Variants in DGKB observed in about 807,000 individuals in gnomAD.
DGKB encodes the protein diacylglycerol kinase beta.
Under a neutral mutation model 114.3 loss-of-function variants are expected in DGKB, and 67 were observed. That is an observed-to-expected ratio of 0.59 (90% CI 0.48 to 0.72). DGKB has a LOEUF of 0.72. Ranked by LOEUF, DGKB falls within the 30% of genes least tolerant of loss-of-function variation. DGKB has a pLI of 0.00. For missense variants in DGKB, 907 were observed against 975.2 expected (o/e 0.93, Z 0.93); for synonymous variants, 398 against 323.1 (o/e 1.23, Z -2.49).
chr7:14,701,344 G>C (rs969779762), intron 7 of DGKB, among the ~76,000 whole-genome samples: 2 of 152,134 alleles, frequency 1.3e-5, no homozygotes, highest in Admixed American at 1.3e-4. Context: ...GTTACAGATA[G>C]TTTTTCCCTC....
At chr7:14,479,097 C>T (rs1246515134) in intron 20 of DGKB, among the ~76,000 whole-genome samples, 3 of 152,120 alleles carry the variant, frequency 2.0e-5, no homozygotes, top group Admixed American at 6.6e-5. Flanking sequence ...ATTAATCACT[C>T]AAATGAGGAA....
Position 14,483,085 on chromosome 7 carries a change from A to C in DGKB, c.1771-4860T>G, listed in dbSNP as rs536292855. On this transcript the variant is annotated intron_variant, in intron 20 of 25. Coordinates refer to ENST00000402815, the MANE Select transcript of DGKB (RefSeq NM_001350709.2). ...TATTAGTTTTTCTATCTCTTCATAAATTATGTTTTTTATTACATCATCTGT... is the reference window on the plus strand; with the variant it reads ...TATTAGTTTTTCTATCTCTTCATAACTTATGTTTTTTATTACATCATCTGT... Among the ~76,000 whole-genome samples the C allele has an allele frequency of 2.5e-3, 380 of 151,938 alleles. 3 individuals carry two copies. Among genetic ancestry groups the C allele is most frequent in the Non-Finnish European group, 2.4e-3 (166 of 67,962 alleles).
At position 14,279,024 on chromosome 7, in the gene DGKB, G is replaced by A. The variant is rs565217829; in HGVS notation, c.2122+59491C>T. ...AGTGGGCGCAGGTCAGTGGGTGCACGCACCGTGAGCGAGCCGAAGCAGGGC... is the reference window on the plus strand; with the variant it reads ...AGTGGGCGCAGGTCAGTGGGTGCACACACCGTGAGCGAGCCGAAGCAGGGC... On this transcript the variant is annotated intron_variant, in intron 23 of 25. Transcript: ENST00000402815. 1.1e-4 allele frequency among the ~76,000 whole-genome samples: 17 copies of A among 152,268 alleles called. 1 individual carries two copies. In the East Asian group the frequency reaches 3.1e-3, roughly 28 times the overall value.
intron 21 of DGKB, among the ~76,000 whole-genome samples, chr7:14,441,414 A>G (rs1444689898): frequency 6.6e-6 from 1 of 152,072 alleles, no homozygotes; most frequent in African/African-American, 2.4e-5. Context: ...TAGACCTTGA[A>G]CTTTCTCAAT....
intron 2 of DGKB, among the ~76,000 whole-genome samples, chr7:14,807,473 A>C (rs368910559): frequency 5.3e-5 from 8 of 152,026 alleles, no homozygotes; most frequent in African/African-American, 1.9e-4. Context: ...GCAGAAAATA[A>C]ACATGGTTTT....
chr7:14,654,466 A>T (rs1168550251), intron 13 of DGKB, among the ~76,000 whole-genome samples: 1 of 152,024 alleles, frequency 6.6e-6, no homozygotes, highest in Non-Finnish European at 1.5e-5. Context: ...TACAACCCAA[A>T]GCAATTTATA....
At chr7:14,539,791 G>A (rs1435831748) in intron 20 of DGKB, among the ~76,000 whole-genome samples, 3 of 151,938 alleles carry the variant, frequency 2.0e-5, no homozygotes, top group African/African-American at 4.8e-5. Flanking sequence ...AAAATCCAGA[G>A]GTGTGTATTT....
chr7:14,311,958 C>T (rs902582279), intron 23 of DGKB, among the ~76,000 whole-genome samples: 26 of 152,014 alleles, frequency 1.7e-4, no homozygotes, highest in African/African-American at 5.8e-4. Flanking sequence ...CAGTGGATAA[C>T]TGTAAACTTA....
At chr7:14,643,937 C>T (rs1385464258) in intron 13 of DGKB, among the ~76,000 whole-genome samples, 1 of 152,122 alleles carries the variant, frequency 6.6e-6, no homozygotes, top group African/African-American at 2.4e-5. Flanking sequence ...CATTTAGGAG[C>T]CAGAGGAGTG....
intron 23 of DGKB, among the ~76,000 whole-genome samples, chr7:14,253,785 G>A (rs1282682855): frequency 6.6e-6 from 1 of 152,134 alleles, no homozygotes; most frequent in Non-Finnish European, 1.5e-5. Flanking sequence ...CTGCATCTAT[G>A]GGGCTTCTCT....
chr7:14,682,312 T>G (rs989046949), intron 12 of DGKB, among the ~76,000 whole-genome samples: 7 of 152,066 alleles, frequency 4.6e-5, no homozygotes, highest in Admixed American at 6.6e-5. Flanking sequence ...GAACACAGTT[T>G]AAAAACCATA....
chr7:14,612,115 A>C (rs1427785101), intron 16 of DGKB, among the ~76,000 whole-genome samples: 1 of 146,612 alleles, frequency 6.8e-6, no homozygotes, highest in African/African-American at 2.4e-5. Context: ...GAGGAGTAAA[A>C]CATAACTATA....
intron 16 of DGKB, among the ~76,000 whole-genome samples, chr7:14,610,959 T>A (rs1347705711): frequency 2.0e-5 from 3 of 152,098 alleles, no homozygotes; most frequent in Non-Finnish European, 4.4e-5. Flanking sequence ...ATTCACAATA[T>A]AAAATTAAGA....
At chr7:14,290,084 T>C (rs1426038372) in intron 23 of DGKB, among the ~76,000 whole-genome samples, 1 of 152,082 alleles carries the variant, frequency 6.6e-6, no homozygotes, top group Admixed American at 6.6e-5. Context: ...GTTTAAAGGG[T>C]TGCAACCAAC....
intron 1 of DGKB, among the ~76,000 whole-genome samples, chr7:14,930,469 C>T (rs1412887754): frequency 1.3e-5 from 2 of 151,992 alleles, no homozygotes; most frequent in East Asian, 3.9e-4. Flanking sequence ...TTTTTTATAG[C>T]TATTGTAAAT....
intron 1 of DGKB, among the ~76,000 whole-genome samples, chr7:14,870,270 G>A (rs1273319383): frequency 1.3e-5 from 2 of 152,104 alleles, no homozygotes; most frequent in Non-Finnish European, 2.9e-5. Context: ...CTTCTACCTT[G>A]TAGCTTCCTG....
chr7:14,344,789 T>C (rs559482552), intron 22 of DGKB, among the ~76,000 whole-genome samples: 5 of 151,504 alleles, frequency 3.3e-5, no homozygotes, highest in African/African-American at 1.2e-4. Flanking sequence ...TTTCTTGGCA[T>C]TTCCACTTTC....
intron 21 of DGKB, among the ~76,000 whole-genome samples, chr7:14,433,949 T>G (rs1241578806): frequency 6.6e-6 from 1 of 152,204 alleles, no homozygotes. Context: ...AAGTCTTGAC[T>G]GTATTTTTAC....
At chr7:14,344,225 G>C (rs910076429) in intron 22 of DGKB, among the ~76,000 whole-genome samples, 3 of 151,252 alleles carry the variant, frequency 2.0e-5, no homozygotes, top group Non-Finnish European at 4.4e-5. Flanking sequence ...GTTATGATCT[G>C]ATCCTGTTAT....
Sources: allele counts gnomAD v4.1 joint callset (sites outside exome capture counted in the v4.1 genomes callset), GRCh38; gene constraint gnomAD v4.1.1; transcripts MANE v1.5; gene names NCBI Gene and HGNC (gene_info 2026-07-23, HGNC 2026-07-21).